TMEM71: variants seen among roughly 807,000 people sequenced by gnomAD.
The protein encoded by TMEM71 is transmembrane protein 71.
In TMEM71, 44 loss-of-function variants were observed where a neutral mutation model predicts 38.0. That is an observed-to-expected ratio of 1.16 (90% CI 0.91 to 1.49). The LOEUF is 1.49. TMEM71 is among the 40% of genes most tolerant of loss of function. TMEM71 has a pLI of 0.00. For synonymous variants in TMEM71, 133 were observed against 122.5 expected (o/e 1.09, Z -0.56); for missense variants, 367 against 348.6 (o/e 1.05, Z -0.42).
upstream of TMEM71, among the ~76,000 whole-genome samples, chr8:132,764,000 C>G (rs1269362403): frequency 6.6e-6 from 1 of 152,184 alleles, no homozygotes; most frequent in Non-Finnish European, 1.5e-5. Flanking sequence ...TCTCTTCCTA[C>G]CCAAGCCTCA....
chr8:132,757,600 C>A (rs1045040263), intron 2 of TMEM71, among the ~76,000 whole-genome samples: 1 of 151,956 alleles, frequency 6.6e-6, no homozygotes, highest in Non-Finnish European at 1.5e-5. Context: ...CCGAGGCGGG[C>A]GGATCACAAG....
intron 5 of TMEM71, among the ~76,000 whole-genome samples, chr8:132,730,361 T>G (rs943565358): frequency 1.1e-4 from 16 of 152,278 alleles, no homozygotes; most frequent in African/African-American, 3.4e-4. Flanking sequence ...AAGCTCTCTG[T>G]GGAAACACAC....
upstream of TMEM71, among the ~76,000 whole-genome samples, chr8:132,761,701 T>C (rs1207667512): frequency 1.3e-5 from 2 of 152,138 alleles, no homozygotes; most frequent in Non-Finnish European, 2.9e-5. Flanking sequence ...ATGCTCCTTG[T>C]AAATAAAGTA....
At chr8:132,739,129 A>G (rs1827901488) in intron 5 of TMEM71, among the ~76,000 whole-genome samples, 1 of 152,234 alleles carries the variant, frequency 6.6e-6, no homozygotes, top group Admixed American at 6.5e-5. Context: ...TGTAATTATT[A>G]TACACTTAAG....
Position 132,757,291 on chromosome 8 carries a change from G to A in TMEM71, c.44C>T (p.Ser15Phe). Residue 15 changes from serine to phenylalanine, a missense_variant, in exon 3 of 10, where the codon TCT (serine) becomes TTT (phenylalanine). Physicochemically the swap from Ser to Phe is radical, Grantham distance 155 (BLOSUM62 -2). Transcript: ENST00000677595. Reference protein sequence around the residue: ...SQLMSTPVASSSRLEREYAGE... With the variant: ...SQLMSTPVASFSRLEREYAGE... ...AGCATATTCTCTTTCCAACCTGGAAGAACCTGCATAAACAAATGAGAGAGA... is the reference window on the plus strand; with the variant it reads ...AGCATATTCTCTTTCCAACCTGGAAAAACCTGCATAAACAAATGAGAGAGA... The A allele has an allele frequency of 6.3e-7, 1 of 1,598,106 alleles. No individual in the cohort carries two copies. The highest frequency in any genetic ancestry group is 8.5e-7 in the Non-Finnish European group (1 of 1,171,640).
At chr8:132,764,347 C>T (rs1289995086), upstream of TMEM71, among the ~76,000 whole-genome samples, 1 of 151,682 alleles carries the variant, frequency 6.6e-6, no homozygotes, top group African/African-American at 2.4e-5. Context: ...TCCATGCCAA[C>T]ATGCCAAAGT....
downstream of TMEM71, among the ~76,000 whole-genome samples, chr8:132,706,753 C>T (rs112442703): frequency 8.5e-4 from 129 of 152,242 alleles, no homozygotes; most frequent in African/African-American, 2.9e-3. Flanking sequence ...GGCAATCAGA[C>T]GGTAGATGTT....
At chr8:132,740,798 A>G (rs1827992958) in intron 5 of TMEM71, among the ~76,000 whole-genome samples, 1 of 152,182 alleles carries the variant, frequency 6.6e-6, no homozygotes, top group Non-Finnish European at 1.5e-5. Context: ...TCTTGGTTTA[A>G]CAGTTTTTCT....
At chr8:132,770,275 ATTAG>A in the TMEM71 span, among the ~76,000 whole-genome samples, 1 of 152,204 alleles carries the variant, frequency 6.6e-6, no homozygotes, top group Admixed American at 6.5e-5. Context: ...TGTGTTGAAT[ATTAG>A]TTATTTTGTT....
At chr8:132,752,484 C>A (rs555497957) in intron 3 of TMEM71, among the ~76,000 whole-genome samples, 29 of 152,138 alleles carry the variant, frequency 1.9e-4, no homozygotes, top group South Asian at 6.2e-4. Flanking sequence ...GCTGGCTGTA[C>A]AAATGGGCAC....
At chr8:132,741,432 A>T (rs1828029806) in intron 5 of TMEM71, among the ~76,000 whole-genome samples, 1 of 152,040 alleles carries the variant, frequency 6.6e-6, no homozygotes, top group African/African-American at 2.4e-5. Flanking sequence ...GACCACTACC[A>T]CCAATGCGCA....
intron 4 of TMEM71, among the ~76,000 whole-genome samples, chr8:132,748,720 A>G (rs765244821): frequency 7.2e-5 from 11 of 152,228 alleles, no homozygotes; most frequent in Non-Finnish European, 1.5e-4. Context: ...TTAAGTATGT[A>G]TTATGGGATG....
chr8:132,775,241 G>C, the TMEM71 span: 1 of 314,702 alleles, frequency 3.2e-6, no homozygotes, highest in Non-Finnish European at 5.7e-6. Flanking sequence ...CTAGCGGTCC[G>C]TCAACGACCG....
At chr8:132,773,321 C>T in the TMEM71 span, among the ~76,000 whole-genome samples, 1 of 152,194 alleles carries the variant, frequency 6.6e-6, no homozygotes, top group Non-Finnish European at 1.5e-5. Flanking sequence ...CTATACAATT[C>T]ACTGAAGCTA....
chr8:132,742,492 T>C (rs1180537743), intron 5 of TMEM71, among the ~76,000 whole-genome samples: 1 of 152,246 alleles, frequency 6.6e-6, no homozygotes, highest in Non-Finnish European at 1.5e-5. Flanking sequence ...TCTGACATTC[T>C]CTCCACATAC....
At chr8:132,749,689 A>G (rs1167938987) in intron 4 of TMEM71, among the ~76,000 whole-genome samples, 1 of 152,210 alleles carries the variant, frequency 6.6e-6, no homozygotes, top group Non-Finnish European at 1.5e-5. Flanking sequence ...CAGTTAAGCT[A>G]GAACACTCAT....
At chr8:132,772,320 G>A in the TMEM71 span, among the ~76,000 whole-genome samples, 1 of 152,244 alleles carries the variant, frequency 6.6e-6, no homozygotes, top group Non-Finnish European at 1.5e-5. Flanking sequence ...CTGCTTGTTT[G>A]GTTCTGCTCA....
chr8:132,711,882 A>T (rs1043892269), intron 9 of TMEM71, among the ~76,000 whole-genome samples: 1 of 152,100 alleles, frequency 6.6e-6, no homozygotes, highest in African/African-American at 2.4e-5. Flanking sequence ...AACTGAATTC[A>T]GTTCCTTAGA....
At chr8:132,724,954 G>A (rs1216210031) in intron 6 of TMEM71, among the ~76,000 whole-genome samples, 3 of 152,112 alleles carry the variant, frequency 2.0e-5, no homozygotes, top group Admixed American at 2.0e-4. Context: ...TCTTTCTGCA[G>A]AACTGGAAAC....
Sources: allele counts gnomAD v4.1 joint callset (sites outside exome capture counted in the v4.1 genomes callset), GRCh38; gene constraint gnomAD v4.1.1; transcripts MANE v1.5; gene names NCBI Gene and HGNC (gene_info 2026-07-23, HGNC 2026-07-21).